The following GRB10 variants were observed in gnomAD, a reference collection of about 807,000 sequenced individuals.
GRB10 encodes growth factor receptor bound protein 10, also known as growth factor receptor-bound protein 10.
In GRB10, 20 loss-of-function variants were observed where a neutral mutation model predicts 80.9. The observed-to-expected ratio is 0.25, with a 90% confidence interval of 0.17 to 0.36. The LOEUF (loss-of-function observed/expected upper bound fraction) is 0.36, where lower values mean the gene tolerates loss of function less well. Ranked by LOEUF, GRB10 falls within the 10% of genes least tolerant of loss-of-function variation. GRB10 has a pLI of 1.00. For missense variants in GRB10, 548 were observed against 747.7 expected (o/e 0.73, Z 3.12); for synonymous variants, 291 against 291.5 (o/e 1.00, Z 0.02).
upstream of GRB10, among the ~76,000 whole-genome samples, chr7:50,784,377 T>G (rs2078600962): frequency 6.6e-6 from 1 of 152,236 alleles, no homozygotes; most frequent in African/African-American, 2.4e-5. Context: ...CAGTGGCTTC[T>G]TCCACCTCTG....
chr7:50,721,522 A>G (rs980669308), intron 4 of GRB10, among the ~76,000 whole-genome samples: 3 of 152,250 alleles, frequency 2.0e-5, no homozygotes, highest in Non-Finnish European at 4.4e-5. Context: ...GCCAAAGAGA[A>G]GCAACTCATG....
At chr7:50,645,665 G>A (rs1447999067) in intron 7 of GRB10, 6 of 982,232 alleles carry the variant, frequency 6.1e-6, no homozygotes, top group East Asian at 1.1e-4. Context: ...GAAAGCAAAC[G>A]CCGTCGTATC....
At chr7:50,618,326 T>C (rs2051021219) in intron 9 of GRB10, among the ~76,000 whole-genome samples, 187 bp from the exon 10 acceptor site, 2 of 152,222 alleles carry the variant, frequency 1.3e-5, no homozygotes, top group South Asian at 4.1e-4. Flanking sequence ...GGTTGTATTT[T>C]GTTTCCTGAA....
chr7:50,673,548 C>T (rs1038529118), intron 6 of GRB10, among the ~76,000 whole-genome samples: 1 of 152,138 alleles, frequency 6.6e-6, no homozygotes, highest in African/African-American at 2.4e-5. Flanking sequence ...AACGCAGCTG[C>T]TCCTCCTCAG....
intron 4 of GRB10, among the ~76,000 whole-genome samples, chr7:50,721,895 T>A (rs2067811234): frequency 6.6e-6 from 1 of 152,188 alleles, no homozygotes; most frequent in African/African-American, 2.4e-5. Flanking sequence ...GGAAGGTGTC[T>A]GGGCTGAAGT....
At chr7:50,704,282 G>A (rs761995606) in intron 4 of GRB10, among the ~76,000 whole-genome samples, 5 of 152,210 alleles carry the variant, frequency 3.3e-5, no homozygotes, top group East Asian at 3.8e-4. Context: ...AGTGCTGGGC[G>A]TTCTATTACC....
intron 5 of GRB10, among the ~76,000 whole-genome samples, chr7:50,698,300 T>G (rs974352849): frequency 2.6e-5 from 4 of 152,234 alleles, no homozygotes; most frequent in Admixed American, 6.5e-5. Context: ...ATCTGTAACG[T>G]CTACATAGAA....
intron 7 of GRB10, among the ~76,000 whole-genome samples, chr7:50,638,396 A>G (rs2055479765): frequency 6.6e-6 from 1 of 152,216 alleles, no homozygotes; most frequent in Admixed American, 6.5e-5. Flanking sequence ...ACTCAGCCAG[A>G]AAAAACAAAC....
At chr7:50,733,666 T>A (rs959507194) in intron 3 of GRB10, among the ~76,000 whole-genome samples, 1 of 152,182 alleles carries the variant, frequency 6.6e-6, no homozygotes, top group Non-Finnish European at 1.5e-5. Context: ...ACCCTTCACC[T>A]CTGCCATGAT....
chr7:50,709,043 GGA>G (rs1394007502), intron 4 of GRB10, among the ~76,000 whole-genome samples: 1 of 152,140 alleles, frequency 6.6e-6, no homozygotes, highest in Non-Finnish European at 1.5e-5. Flanking sequence ...TGAAAGGATG[GGA>G]GAGGGCAGCC....
chr7:50,711,424 G>A (rs186970005), intron 4 of GRB10, among the ~76,000 whole-genome samples: 5 of 152,274 alleles, frequency 3.3e-5, no homozygotes, highest in African/African-American at 9.6e-5. Context: ...CAGCTGAGAC[G>A]GGTGGGGCAC....
intron 3 of GRB10, among the ~76,000 whole-genome samples, chr7:50,751,871 T>C (rs2153701423): frequency 6.6e-6 from 1 of 152,352 alleles, no homozygotes; most frequent in East Asian, 1.9e-4. Context: ...TAGTGAATGG[T>C]GAGTCTTTGG....
Position 50,653,168 on chromosome 7 carries a change from C to T in GRB10, c.504+16554G>A, listed in dbSNP as rs528054119. On this transcript the variant is annotated intron_variant, in intron 7 of 18. Transcript: ENST00000401949. ...GAGGAGCAAGGCATCTTCCTGGGCACGGGCAGCAGGCAGGCACCGTCTTCC... is the reference window on the plus strand; with the variant it reads ...GAGGAGCAAGGCATCTTCCTGGGCATGGGCAGCAGGCAGGCACCGTCTTCC... Among the ~76,000 whole-genome samples the T allele has an allele frequency of 4.0e-4, 61 of 152,286 alleles. No individual in the cohort carries two copies. In the South Asian group the frequency reaches 0.011, roughly 27 times the overall value.
intron 13 of GRB10, among the ~76,000 whole-genome samples, chr7:50,608,461 G>A (rs569830475): frequency 5.3e-5 from 8 of 152,276 alleles, no homozygotes; most frequent in African/African-American, 1.7e-4. Context: ...TAGTCCCAGA[G>A]AGAAGAATGC....
chr7:50,677,570 G>A (rs955162125), intron 5 of GRB10, among the ~76,000 whole-genome samples: 13 of 152,220 alleles, frequency 8.5e-5, no homozygotes, highest in Admixed American at 1.3e-4. Flanking sequence ...TGGAGACCAC[G>A]AATCTGGGGC....
chr7:50,595,659 A>G, intron 17 of GRB10, 129 bp from the exon 18 acceptor site: 2 of 697,752 alleles, frequency 2.9e-6, no homozygotes, highest in Non-Finnish European at 5.2e-6. Flanking sequence ...ACAATGCTTC[A>G]GTGCAGTGCT....
At chr7:50,693,405 A>G (rs912327602) in intron 5 of GRB10, among the ~76,000 whole-genome samples, 1 of 152,212 alleles carries the variant, frequency 6.6e-6, no homozygotes, top group African/African-American at 2.4e-5. Context: ...CACCAAATAC[A>G]TTGCTACAAA....
chr7:50,671,501 G>C (rs539617737), intron 6 of GRB10, among the ~76,000 whole-genome samples: 2 of 152,312 alleles, frequency 1.3e-5, no homozygotes, highest in Admixed American at 1.3e-4. Context: ...GAACTCACAT[G>C]GCATGAAGGG....
At chr7:50,734,316 CTT>C (rs2070412940) in intron 3 of GRB10, among the ~76,000 whole-genome samples, 1 of 152,194 alleles carries the variant, frequency 6.6e-6, no homozygotes, top group Admixed American at 6.5e-5. Context: ...TCTAAACACT[CTT>C]TCTGCCTTCT....
Sources: allele counts gnomAD v4.1 joint callset (sites outside exome capture counted in the v4.1 genomes callset), GRCh38; gene constraint gnomAD v4.1.1; transcripts MANE v1.5; gene names NCBI Gene and HGNC (gene_info 2026-07-23, HGNC 2026-07-21).